The following PCDHGB5 variants were observed in gnomAD, a reference collection of about 807,000 sequenced individuals.
PCDHGB5 encodes protocadherin gamma-B5.
In PCDHGB5, 48 loss-of-function variants were observed where a neutral mutation model predicts 62.9. That is an observed-to-expected ratio of 0.76 (90% CI 0.61 to 0.97). The LOEUF (loss-of-function observed/expected upper bound fraction) is 0.97. Among genes scored for constraint, PCDHGB5 ranks in the 50% least tolerant of loss-of-function variants. PCDHGB5 has a pLI of 0.00. For missense variants in PCDHGB5, 1,118 were observed against 1,198.6 expected (o/e 0.93, Z 0.99); for synonymous variants, 474 against 511.2 (o/e 0.93, Z 0.98).
At chr5:141,423,826 A>G (rs1324911075) in intron 1 of PCDHGB5, 21 of 1,275,178 alleles carry the variant, frequency 1.6e-5, no homozygotes, top group Middle Eastern at 2.2e-4. Flanking sequence ...TTTGCCTTTC[A>G]TGAGATTACG....
Position 141,511,015 on chromosome 5 carries a change from C to T in PCDHGB5, c.2614C>T (p.Pro872Ser), listed in dbSNP as rs1430257603. The T allele has an allele frequency of 1.2e-6, 2 of 1,614,106 alleles. No homozygotes were observed. The highest frequency in any genetic ancestry group is 1.3e-5 in the African/African-American group (1 of 74,936). The stretch of plus-strand genomic sequence containing the variant: ...CATGGGATTGAGCGCCCGCTACGGA[C>T]CCCAGTTCACCCTGCAGCACGTGCC... ...GTMGLSARYG[P>S]QFTLQHVPDY... Residue 872 changes from proline (P) to serine (S), a missense_variant, in exon 4 of 4, where the codon CCC (proline) becomes TCC (serine). Coordinates refer to ENST00000617380, the MANE Select transcript of PCDHGB5 (RefSeq NM_018925.3).
In PCDHGB5 at chr5:141,512,237, G is replaced by A. The variant is rs2099884134; in HGVS notation, c.*1064G>A. ...AGGACCAGGTCCCCTTGAGAGGTCA[G>A]AGGGGCCTCTGTGGGTGCTGGGTAC... On this transcript the variant is annotated 3_prime_UTR_variant, in exon 4 of 4. Transcript: ENST00000617380. 1 of 152,774 alleles carries A rather than the reference G, an allele frequency of 6.5e-6. No homozygotes were observed. The highest frequency in any genetic ancestry group is 1.5e-5 in the Non-Finnish European group (1 of 68,148). The allele number at this position is 152,774 out of a possible 1,614,324, so 9.5% of individuals were successfully genotyped here.
chr5:141,413,962 AC>A, intron 1 of PCDHGB5: 1 of 1,613,404 alleles, frequency 6.2e-7, no homozygotes, highest in Non-Finnish European at 8.5e-7. Context: ...GCCTGTGGGC[AC>A]TCAGCTGCTG....
chr5:141,431,719 A>G lies in PCDHGB5; in HGVS notation c.2397+31195A>G. On this transcript the variant is annotated intron_variant, in intron 1 of 3. Transcript: ENST00000617380. This position sits in a 1 kb window ranked among gnomAD's most constrained non-coding sequence, Gnocchi z 4.8. ...CAGGATTCTACCAGATGGAAGTGCA[A>G]GCAATGGATAATGCAGGATATTCTG... 6.2e-7 allele frequency: 1 copy of G among 1,614,244 alleles called. No individual in the cohort carries two copies. Among genetic ancestry groups the G allele is most frequent in the Non-Finnish European group, 8.5e-7 (1 of 1,180,050 alleles).
intron 1 of PCDHGB5, among the ~76,000 whole-genome samples, chr5:141,434,692 A>G (rs891952554): frequency 8.5e-5 from 13 of 152,082 alleles, no homozygotes; most frequent in African/African-American, 2.4e-4. Flanking sequence ...CTTGCTGTTA[A>G]TAAATATGTG....
In PCDHGB5 at chr5:141,399,680, A is replaced by G. The variant is rs1182095574; in HGVS notation, c.1553A>G (p.Tyr518Cys). The G allele has an allele frequency of 1.2e-6, 2 of 1,613,514 alleles. No individual in the cohort carries two copies. The highest frequency in any genetic ancestry group is 2.2e-5 in the East Asian group (1 of 44,860). The change falls in exon 1 of 4, where the codon TAC becomes TGC. Residue 518 changes from tyrosine to cysteine, a missense_variant. Physicochemically the swap from Tyr to Cys is radical, Grantham distance 194 (BLOSUM62 -2). Transcript: ENST00000617380. ...GTGTTCGCGCAGCGCGCCTTTGACT[A>G]CGAGCAGCTGCGCACCTTCGAACTC... ...GVVFAQRAFD[Y>C]EQLRTFELTL...
intron 1 of PCDHGB5, among the ~76,000 whole-genome samples, chr5:141,433,397 A>ATCTATCTG (rs1554126017): frequency 5.3e-5 from 8 of 150,410 alleles, no homozygotes; most frequent in Non-Finnish European, 1.2e-4. Context: ...CTATCTATCT[A>ATCTATCTG]TCTATCTATT....
rs571588941 is a variant in PCDHGB5, at chr5:141,428,181, A to T, written c.2397+27657A>T. The T allele has an allele frequency of 1.2e-4, 181 of 1,486,230 alleles. 2 individuals carry two copies. In the South Asian group the frequency reaches 2.0e-3, roughly 16 times the overall value. The allele number at this position is 1,486,230 out of a possible 1,614,324, so 92.1% of individuals were successfully genotyped here. A position where few individuals can be genotyped will look rare whatever the true frequency, so the allele number is the denominator to read the frequency against. ...CTGGTTGCTGTGCGTGACGGAGGAC[A>T]GCCGCCGCTCTCTGCGCCGCTACGC... On this transcript the variant is annotated intron_variant, in intron 1 of 3. Coordinates refer to ENST00000617380, the MANE Select transcript of PCDHGB5 (RefSeq NM_018925.3).
At chr5:141,420,965 TA>T (rs1468739825) in intron 1 of PCDHGB5, 6 of 433,892 alleles carry the variant, frequency 1.4e-5, no homozygotes, top group African/African-American at 1.0e-4. Flanking sequence ...GTCGTTGCAA[TA>T]ATAAGAATGG....
Position 141,423,156 on chromosome 5 carries a change from CGTG to C in PCDHGB5, c.2397+22637_2397+22639del, listed in dbSNP as rs776903094. On this transcript the variant is annotated intron_variant, in intron 1 of 3. Coordinates refer to ENST00000617380, the MANE Select transcript of PCDHGB5 (RefSeq NM_018925.3). ...ACAGAGACGCGCTCAAGCAGAGCCT[CGTG>C]GTGGCCGTCCAGGACCACGGCCAGC... 8.2e-4 allele frequency: 1,328 copies of C among 1,613,396 alleles called. 15 individuals are homozygous for C. Among genetic ancestry groups the C allele is most frequent in the Admixed American group, 9.5e-4 (57 of 60,016 alleles).
chr5:141,403,816 A>G (rs2094457403), intron 1 of PCDHGB5: 4 of 1,613,874 alleles, frequency 2.5e-6, no homozygotes, highest in Non-Finnish European at 3.4e-6. Context: ...ATGAAAAACA[A>G]TCTCTGCTAT....
At chr5:141,508,756 C>A (rs890362975) in intron 3 of PCDHGB5, among the ~76,000 whole-genome samples, 2 of 151,904 alleles carry the variant, frequency 1.3e-5, no homozygotes, top group African/African-American at 4.8e-5. Flanking sequence ...CTTTCTCTGG[C>A]GCCTCTGAGG....
Position 141,399,627 on chromosome 5 carries a change from C to G in PCDHGB5, c.1500C>G (p.Tyr500Ter), listed in dbSNP as rs751717107. ...SDLEPLALAS[Y>*]VSMSAQSGVV... ...TAGAGCCTCTGGCACTGGCCTCTTA[C>G]GTGTCCATGAGCGCGCAAAGTGGGG... is the stretch of plus-strand genomic sequence containing the variant. The change falls in exon 1 of 4, where the codon TAC (tyrosine) becomes TAG (stop). Residue 500 changes from tyrosine to a stop codon, truncating the protein, a stop_gained. Transcript: ENST00000617380. LOFTEE classifies it high-confidence loss of function. 7.4e-6 allele frequency: 12 copies of G among 1,613,906 alleles called. No homozygotes were observed. The highest frequency in any genetic ancestry group is 1.1e-5 in the South Asian group (1 of 91,086).
chr5:141,452,172 T>G (rs1338447268), intron 1 of PCDHGB5, among the ~76,000 whole-genome samples: 1 of 152,206 alleles, frequency 6.6e-6, no homozygotes, highest in Non-Finnish European at 1.5e-5. Flanking sequence ...TTACTAACAT[T>G]TTTTATTTTG....
chr5:141,430,485 G>T (rs926788879), intron 1 of PCDHGB5: 2 of 252,972 alleles, frequency 7.9e-6, no homozygotes, highest in Non-Finnish European at 7.4e-6. Flanking sequence ...ATATAAAAAC[G>T]AAATATCCTT....
At chr5:141,505,827 TCA>T (rs1197972266) in intron 3 of PCDHGB5, among the ~76,000 whole-genome samples, 4 of 152,072 alleles carry the variant, frequency 2.6e-5, no homozygotes, top group South Asian at 4.1e-4. Context: ...TCTCTAAACC[TCA>T]GTTTCCTCAG....
rs200317374 is a variant in PCDHGB5, at chr5:141,408,395, A to C, written c.2397+7871A>C. 29 of 1,613,856 alleles carry C rather than the reference A, an allele frequency of 1.8e-5. No homozygotes were observed. The South Asian group carries it at 3.0e-4, about 16-fold the overall frequency. On this transcript the variant is annotated intron_variant, in intron 1 of 3. Transcript: ENST00000617380. ...CAGTGTCCTGGATGTGTCGGCTCGC[A>C]AGCTGCGAGTGAGCGCGGAGAAGCT...
intron 2 of PCDHGB5, among the ~76,000 whole-genome samples, chr5:141,497,905 C>T (rs1052659134): frequency 6.6e-6 from 1 of 152,178 alleles, no homozygotes; most frequent in Non-Finnish European, 1.5e-5. Context: ...GTAACTTCAA[C>T]TTCTCTCCTT....
chr5:141,500,124 A>G (rs1042231430), intron 2 of PCDHGB5, among the ~76,000 whole-genome samples: 2 of 151,656 alleles, frequency 1.3e-5, no homozygotes, highest in African/African-American at 2.4e-5. Flanking sequence ...GCCTTTTCAT[A>G]TATATCTTTC....
Sources: gnomAD v4.1 joint callset for allele counts (sites outside exome capture counted in the v4.1 genomes callset) on GRCh38, gnomAD v4.1.1 for gene constraint, Gnocchi (gnomAD v3.1) non-coding constraint, MANE v1.5 for transcripts, NCBI Gene and HGNC (gene_info 2026-07-23, HGNC 2026-07-21) for gene names.